DNAJC13: variants seen among roughly 807,000 people sequenced by gnomAD.
DNAJC13 encodes dnaJ homolog subfamily C member 13.
In DNAJC13, 75 loss-of-function variants were observed where a neutral mutation model predicts 290.5. The observed-to-expected ratio is 0.26, with a 90% CI of 0.21 to 0.31. DNAJC13 has a LOEUF of 0.31. Among genes scored for constraint, DNAJC13 ranks in the 10% least tolerant of loss-of-function variants. The pLI, the probability that DNAJC13 is intolerant of heterozygous loss-of-function variation, is 1.00. For missense variants in DNAJC13, 2,260 were observed against 2,674.5 expected (o/e 0.85, Z 3.42); for synonymous variants, 862 against 892.0 (o/e 0.97, Z 0.60).
At chr3:132,524,730 G>A (rs1936198316) in intron 51 of DNAJC13, among the ~76,000 whole-genome samples, 1 of 152,136 alleles carries the variant, frequency 6.6e-6, no homozygotes, top group South Asian at 2.1e-4. Context: ...TAAAACTTAG[G>A]GAAAGCACAT....
At chr3:132,518,243 C>T (rs545108832) in intron 48 of DNAJC13, among the ~76,000 whole-genome samples, 30 of 152,278 alleles carry the variant, frequency 2.0e-4, no homozygotes, top group African/African-American at 6.0e-4. Flanking sequence ...CTTTGAAATA[C>T]GTGAGGGACA....
rs552311464 is a variant in DNAJC13, at chr3:132,450,980, G to A, written c.537+133G>A. On this transcript the variant is annotated intron_variant, in intron 6 of 55. Transcript: ENST00000260818. ...AGGAAGTATAATAGTCCAGGTTTTGGTATCAAAGATACCTGAGCTTGAATC... is the reference window on the plus strand; with the variant it reads ...AGGAAGTATAATAGTCCAGGTTTTGATATCAAAGATACCTGAGCTTGAATC... The A allele has an allele frequency of 5.7e-5, 30 of 530,056 alleles. No homozygotes were observed. The South Asian group carries it at 9.8e-4, about 17-fold the overall frequency. 32.8% of individuals were successfully genotyped at this position (530,056 alleles called of 1,614,324 possible).
chr3:132,450,755 T>A lies in DNAJC13; in HGVS notation c.445T>A (p.Cys149Ser). The change falls in exon 6 of 56, where the codon TGT becomes AGT. Residue 149 changes from cysteine to serine, a missense_variant. By Grantham distance (112) the Cys-to-Ser change is moderately radical. Around this residue, in one of 3 missense-constraint regions of DNAJC13, gnomAD observed 762 missense variants for 964.1 expected, o/e 0.79. Coordinates refer to ENST00000260818, the MANE Select transcript of DNAJC13 (RefSeq NM_015268.4). ...QINPATNRVL[C>S]SYDYRNIEGF... ...TAATCCTGCAACCAACAGAGTACTCTGTTCCTATGACTATAGAAATATTGA... is the reference window on the plus strand; with the variant it reads ...TAATCCTGCAACCAACAGAGTACTCAGTTCCTATGACTATAGAAATATTGA... 3 of 1,610,756 alleles carry A rather than the reference T, an allele frequency of 1.9e-6. No homozygotes were observed. Among genetic ancestry groups the A allele is most frequent in the Non-Finnish European group, 2.5e-6 (3 of 1,177,222 alleles).
At chr3:132,475,378 C>G (rs901020907) in intron 22 of DNAJC13, among the ~76,000 whole-genome samples, 1 of 151,250 alleles carries the variant, frequency 6.6e-6, no homozygotes, top group African/African-American at 2.4e-5. Flanking sequence ...TTTCTGGGAC[C>G]TTTGAGTTCT....
intron 43 of DNAJC13, among the ~76,000 whole-genome samples, chr3:132,510,389 T>C (rs972934241): frequency 6.6e-6 from 1 of 152,192 alleles, no homozygotes; most frequent in African/African-American, 2.4e-5. Context: ...TTGCTTTCAT[T>C]TTTTGTTTTT....
At chr3:132,468,606 A>C (rs1934080071) in intron 20 of DNAJC13, among the ~76,000 whole-genome samples, 1 of 152,208 alleles carries the variant, frequency 6.6e-6, no homozygotes, top group South Asian at 2.1e-4. Flanking sequence ...TGTTAATCCA[A>C]GTTACGGTTT....
In DNAJC13 at chr3:132,480,356, TTTCCTC is replaced by T; in HGVS notation, c.2773-8_2773-3del. On this transcript the variant is annotated splice_region_variant and splice_polypyrimidine_tract_variant and intron_variant, in intron 25 of 55. Coordinates refer to ENST00000260818, the MANE Select transcript of DNAJC13 (RefSeq NM_015268.4). The stretch of plus-strand genomic sequence containing the variant: ...AATGTTTAGATTACGAAAAAAATGT[TTTCCTC>T]TTCCAGAAAAATGTTAAGGATCTCA... 1.3e-6 allele frequency: 2 copies of T among 1,596,086 alleles called. No homozygotes were observed. The highest frequency in any genetic ancestry group is 1.7e-6 in the Non-Finnish European group (2 of 1,164,812).
chr3:132,484,500 T>C, intron 28 of DNAJC13, 88 bp from the exon 29 acceptor site: 1 of 1,210,784 alleles, frequency 8.3e-7, no homozygotes, highest in Non-Finnish European at 1.2e-6. Context: ...TAAGGTAACC[T>C]GCTTCATGCC....
intron 34 of DNAJC13, 34 bp from the exon 35 acceptor site, chr3:132,495,054 A>C (rs1428291144): frequency 4.0e-6 from 6 of 1,487,418 alleles, no homozygotes; most frequent in Non-Finnish European, 5.6e-6. Flanking sequence ...CTTGTGCCTT[A>C]CTATACTCAT....
Position 132,501,008 on chromosome 3 carries a change from A to G in DNAJC13, c.4536+95A>G, listed in dbSNP as rs987018579. ...AATGTATAAGCACATTGTTTTCCCAAAGTTATTTGTAAGTAAAATTATTTG... is the reference window on the plus strand; with the variant it reads ...AATGTATAAGCACATTGTTTTCCCAGAGTTATTTGTAAGTAAAATTATTTG... On this transcript the variant is annotated intron_variant, in intron 39 of 55. Coordinates refer to ENST00000260818, the MANE Select transcript of DNAJC13 (RefSeq NM_015268.4). The G allele has an allele frequency of 1.1e-5, 16 of 1,408,226 alleles. No homozygotes were observed. The Admixed American group carries it at 3.6e-4, about 31-fold the overall frequency. 87.2% of individuals were successfully genotyped at this position (1,408,226 alleles called of 1,614,324 possible). A position where few individuals can be genotyped will look rare whatever the true frequency, so the allele number is the denominator to read the frequency against.
rs1459305973 is a variant in DNAJC13, at chr3:132,488,379, C to T, written c.3349C>T (p.Pro1117Ser). ...TATCATGCAAGATAACCCACAGTTACCCCGCCTTTATCTGAGTGGAGTATT... is the reference window on the plus strand; with the variant it reads ...TATCATGCAAGATAACCCACAGTTATCCCGCCTTTATCTGAGTGGAGTATT... ...YHIMQDNPQLPRLYLSGVFFF... is the reference protein window; with the variant it reads ...YHIMQDNPQLSRLYLSGVFFF... The change falls in exon 30 of 56, where the codon CCC becomes TCC. Residue 1117 changes from proline to serine, a missense_variant. Physicochemically the swap from Pro to Ser is moderately conservative, Grantham distance 74. This residue lies in a region of DNAJC13 where 1,494 missense variants were observed against 1,693.7 expected (regional missense o/e 0.88). Coordinates refer to ENST00000260818, the MANE Select transcript of DNAJC13 (RefSeq NM_015268.4). 1 of 1,613,688 alleles carries T rather than the reference C, an allele frequency of 6.2e-7. No individual in the cohort carries two copies. Among genetic ancestry groups the T allele is most frequent in the Non-Finnish European group, 8.5e-7 (1 of 1,179,776 alleles).
At chr3:132,471,646 T>G in intron 20 of DNAJC13, among the ~76,000 whole-genome samples, 2 of 106,648 alleles carry the variant, frequency 1.9e-5, no homozygotes, top group Admixed American at 9.4e-5. Context: ...TCTCAGACGA[T>G]GGGCGGCCGG....
Position 132,525,721 on chromosome 3 carries a change from A to G in DNAJC13, c.6172A>G (p.Met2058Val), listed in dbSNP as rs1559913561. The stretch of plus-strand genomic sequence containing the variant: ...CCATCTTCCCAAAGTTATCCAGGCA[A>G]TGAATCATAGGAACAATGCCATTCC... Reference protein sequence around the residue: ...LGHLPKVIQAMNHRNNAIPKS... With the variant: ...LGHLPKVIQAVNHRNNAIPKS... Residue 2058 changes from methionine to valine, a missense_variant, in exon 52 of 56, where the codon ATG (methionine) becomes GTG (valine). Around this residue, in one of 3 missense-constraint regions of DNAJC13, gnomAD observed 1,494 missense variants for 1,693.7 expected, o/e 0.88. Transcript: ENST00000260818. 3 of 1,614,230 alleles carry G rather than the reference A, an allele frequency of 1.9e-6. No homozygotes were observed. Among genetic ancestry groups the G allele is most frequent in the Non-Finnish European group, 2.5e-6 (3 of 1,180,024 alleles).
chr3:132,490,427 A>AT (rs1197171807), intron 31 of DNAJC13, among the ~76,000 whole-genome samples: 1 of 152,198 alleles, frequency 6.6e-6, no homozygotes, highest in African/African-American at 2.4e-5. Context: ...TTAAGTAGAA[A>AT]TTCTCCATCT....
intron 20 of DNAJC13, among the ~76,000 whole-genome samples, chr3:132,470,607 G>T (rs1934176168): frequency 6.9e-6 from 1 of 144,002 alleles, no homozygotes; most frequent in African/African-American, 2.6e-5. Flanking sequence ...CGGCTGGCCG[G>T]GCGGGGGGGC....
At position 132,475,045 on chromosome 3, in the gene DNAJC13, G is replaced by A; in HGVS notation, c.2405G>A (p.Gly802Glu). ...GCATTTAATATTGACAGAGAACTTG[G>A]AAGTGCAAATGTGATCTCCTGGAAC... ...MRAFNIDREL[G>E]SANVISWNHH... The change falls in exon 22 of 56, where the codon GGA (glycine) becomes GAA (glutamate). Residue 802 changes from glycine to glutamate, a missense_variant. Coordinates refer to ENST00000260818, the MANE Select transcript of DNAJC13 (RefSeq NM_015268.4). 1 of 1,610,550 alleles carries A rather than the reference G, an allele frequency of 6.2e-7. No homozygotes were observed. Among genetic ancestry groups the A allele is most frequent in the Non-Finnish European group, 8.5e-7 (1 of 1,178,378 alleles).
intron 15 of DNAJC13, among the ~76,000 whole-genome samples, chr3:132,462,179 ATTATT>A (rs907140504): frequency 6.6e-6 from 1 of 152,114 alleles, no homozygotes; most frequent in Non-Finnish European, 1.5e-5. Context: ...TTATATTTTT[ATTATT>A]TTAGTATCAT....
intron 9 of DNAJC13, 100 bp from the exon 10 acceptor site, chr3:132,456,135 C>A: frequency 9.5e-7 from 1 of 1,052,202 alleles, no homozygotes; most frequent in Non-Finnish European, 1.4e-6. Context: ...TAGTGTGTCC[C>A]TGAGCAGATT....
rs1305857422 is a variant in DNAJC13 at position 132,512,999 on chromosome 3, A to C, written c.5294-9A>C. 2 of 1,607,944 alleles carry C rather than the reference A, an allele frequency of 1.2e-6. No homozygotes were observed. The highest frequency in any genetic ancestry group is 1.7e-5 in the Admixed American group (1 of 59,898). On this transcript the variant is annotated splice_polypyrimidine_tract_variant and intron_variant, in intron 44 of 55. Coordinates refer to ENST00000260818, the MANE Select transcript of DNAJC13 (RefSeq NM_015268.4). ...CCTGGAAGTAAACCATTTTATTCTT[A>C]TTCTCTAGGTTCTGAGAGTGAATGC...
Sources: gnomAD v4.1 joint callset for allele counts (sites outside exome capture counted in the v4.1 genomes callset) on GRCh38, gnomAD v4.1.1 for gene constraint, gnomAD v4.1.1 regional missense constraint, MANE v1.5 for transcripts, NCBI Gene and HGNC (gene_info 2026-07-23, HGNC 2026-07-21) for gene names.